FAM131B: variants seen among roughly 807,000 people sequenced by gnomAD.
The protein encoded by FAM131B is family with sequence similarity 131 member B, also known as protein FAM131B.
Under a neutral mutation model 42.0 loss-of-function variants are expected in FAM131B, and 19 were observed. The ratio of observed to expected loss-of-function variants is 0.45; its 90% CI spans 0.32 to 0.66. The LOEUF is 0.66. FAM131B is among the 30% of genes least tolerant of loss of function. The probability of loss-of-function intolerance (pLI) is 0.05; values close to 1 mark genes in which losing one functional copy is unlikely to be tolerated. For synonymous variants in FAM131B, 183 were observed against 177.6 expected (o/e 1.03, Z -0.24); for missense variants, 370 against 468.4 (o/e 0.79, Z 1.94).
chr7:143,370,352 G>T, the FAM131B span, among the ~76,000 whole-genome samples: 1 of 152,138 alleles, frequency 6.6e-6, no homozygotes, highest in Middle Eastern at 3.2e-3. Context: ...CTCACACGGG[G>T]GGCTCCCCTG....
Position 143,359,500 on chromosome 7 carries a change from C to T in FAM131B, c.175-81G>A, listed in dbSNP as rs1361846902. The T allele has an allele frequency of 8.4e-7, 1 of 1,186,060 alleles. No homozygotes were observed. The highest frequency in any genetic ancestry group is 1.5e-5 in the African/African-American group (1 of 67,004). 73.5% of individuals were successfully genotyped at this position (1,186,060 alleles called of 1,614,324 possible). A position where few individuals can be genotyped will look rare whatever the true frequency, so the allele number is the denominator to read the frequency against. On this transcript the variant is annotated intron_variant, in intron 3 of 6. Transcript: ENST00000443739. The surrounding 1 kb of genome is among the most constrained non-coding windows in gnomAD (Gnocchi z 5.4). ...TATACATGGAGGAGGTTCATGGTTT[C>T]CAGGAAAAAGCATTCGAGCTAGGGC...
At chr7:143,381,924 C>A in the FAM131B span, 1 of 836,338 alleles carries the variant, frequency 1.2e-6, no homozygotes, top group Non-Finnish European at 1.8e-6. Flanking sequence ...CTTACCTCAT[C>A]GTGGAGCTCG....
At chr7:143,379,068 T>C in the FAM131B span, among the ~76,000 whole-genome samples, 1 of 152,258 alleles carries the variant, frequency 6.6e-6, no homozygotes, top group Non-Finnish European at 1.5e-5. Context: ...TACGCACTCT[T>C]CTATTTCTGA....
the FAM131B span, among the ~76,000 whole-genome samples, chr7:143,377,178 G>C: frequency 1.1e-3 from 171 of 152,174 alleles, no homozygotes; most frequent in African/African-American, 4.0e-3. Context: ...GCCTAGTCTT[G>C]AACTCCCGGC....
chr7:143,375,905 G>A, the FAM131B span, among the ~76,000 whole-genome samples: 1 of 152,174 alleles, frequency 6.6e-6, no homozygotes, highest in East Asian at 1.9e-4. Context: ...TTGGTGCCTT[G>A]GGTCTCTTTT....
chr7:143,365,672 C>T (rs1047053443), upstream of FAM131B, among the ~76,000 whole-genome samples: 3 of 152,142 alleles, frequency 2.0e-5, no homozygotes, highest in African/African-American at 7.2e-5. Context: ...ATGATCAAAG[C>T]TCACTGCAGC....
the FAM131B span, among the ~76,000 whole-genome samples, chr7:143,376,579 C>T: frequency 1.3e-5 from 2 of 152,194 alleles, no homozygotes; most frequent in Non-Finnish European, 2.9e-5. Context: ...GCTGCTCAAC[C>T]TTGGCCTTGA....
At position 143,362,540 on chromosome 7, in the gene FAM131B, G is replaced by A; in HGVS notation, c.28+36C>T. ...GAGGGGGTCGGAGGGCGGCCCGGGG[G>A]GCCCAGCCCTGCCCCCGCCCGGCCG... On this transcript the variant is annotated intron_variant, in intron 1 of 6. Coordinates refer to ENST00000443739, the MANE Select transcript of FAM131B (RefSeq NM_001031690.3). This position sits in a 1 kb window ranked among gnomAD's most constrained non-coding sequence, Gnocchi z 7.7. 1 of 1,161,322 alleles carries A rather than the reference G, an allele frequency of 8.6e-7. No individual in the cohort carries two copies. 71.9% of individuals were successfully genotyped at this position (1,161,322 alleles called of 1,614,324 possible). A position where few individuals can be genotyped will look rare whatever the true frequency, so the allele number is the denominator to read the frequency against.
rs1443023584 is a variant in FAM131B, at chr7:143,359,522, G to A, written c.175-103C>T. ...TTTCCAGGAAAAAGCATTCGAGCTA[G>A]GGCAGATGATAAGAAAAGCTACTAT... On this transcript the variant is annotated intron_variant, in intron 3 of 6. Coordinates refer to ENST00000443739, the MANE Select transcript of FAM131B (RefSeq NM_001031690.3). This position sits in a 1 kb window ranked among gnomAD's most constrained non-coding sequence, Gnocchi z 5.4. The A allele has an allele frequency of 9.8e-7, 1 of 1,019,830 alleles. No homozygotes were observed. 63.2% of individuals were successfully genotyped at this position (1,019,830 alleles called of 1,614,324 possible). A position where few individuals can be genotyped will look rare whatever the true frequency, so the allele number is the denominator to read the frequency against.
At chr7:143,371,090 A>C in the FAM131B span, among the ~76,000 whole-genome samples, 3 of 151,908 alleles carry the variant, frequency 2.0e-5, no homozygotes, top group South Asian at 2.1e-4. Context: ...TCCATTATTC[A>C]TTCATTCATT....
chr7:143,356,686 G>A lies in FAM131B; in HGVS notation c.947C>T (p.Ala316Val), dbSNP rs759366087. 56 of 1,613,968 alleles carry A rather than the reference G, an allele frequency of 3.5e-5. No homozygotes were observed. Among genetic ancestry groups the A allele is most frequent in the Middle Eastern group, 1.6e-4 (1 of 6,084 alleles). The change falls in exon 7 of 7, where the codon GCG (alanine) becomes GTG (valine). Residue 316 changes from alanine (A) to valine (V), a missense_variant. Physicochemically the swap from Ala to Val is moderately conservative, Grantham distance 64. Transcript: ENST00000443739. The surrounding 1 kb of genome is among the most constrained non-coding windows in gnomAD (Gnocchi z 4.4). ...AAGTGACTCCAGGTCCCGGCATCCC[G>A]CATCCTCTTCCTCCTCAGGTGCCAA... is the stretch of plus-strand genomic sequence containing the variant. ...RPLAPEEEED[A>V]GCRDLESLSP...
the FAM131B span, among the ~76,000 whole-genome samples, chr7:143,371,613 C>CAAAAAAAAAAAAA: frequency 6.7e-5 from 5 of 75,022 alleles, no homozygotes; most frequent in African/African-American, 2.5e-4. Context: ...GACCCTGTCT[C>CAAAAAAAAAAAAA]AAAAAAAAAA....
the FAM131B span, among the ~76,000 whole-genome samples, chr7:143,379,406 C>T: frequency 6.6e-6 from 1 of 152,226 alleles, no homozygotes; most frequent in African/African-American, 2.4e-5. Context: ...CATGGCCACA[C>T]ATGCCTGTGG....
At chr7:143,381,956 G>A in the FAM131B span, 6 of 696,552 alleles carry the variant, frequency 8.6e-6, no homozygotes, top group Non-Finnish European at 1.4e-5. Flanking sequence ...CAGGGCTCCT[G>A]GGACCGTTCC....
At chr7:143,357,947 G>A (rs1372127964) in intron 5 of FAM131B, among the ~76,000 whole-genome samples, 5 of 152,162 alleles carry the variant, frequency 3.3e-5, no homozygotes, top group Non-Finnish European at 5.9e-5. Context: ...ATTCAAATTC[G>A]AGATTTCCAG....
chr7:143,366,967 A>G (rs1804194344), upstream of FAM131B, among the ~76,000 whole-genome samples: 1 of 152,206 alleles, frequency 6.6e-6, no homozygotes. Context: ...CCCCATTCAT[A>G]CACAGGGGCA....
In FAM131B at chr7:143,356,310, C is replaced by T. The variant is rs1012372558; in HGVS notation, c.*240G>A. 5.8e-5 allele frequency: 31 copies of T among 532,402 alleles called. No homozygotes were observed. Among genetic ancestry groups the T allele is most frequent in the Non-Finnish European group, 9.8e-5 (29 of 297,336 alleles). 33.0% of individuals were successfully genotyped at this position (532,402 alleles called of 1,614,324 possible). ...CCACAGCCCAGGTCCTTCTCCACAG[C>T]CACACCAAGCTCACGGCCATCTAGT... On this transcript the variant is annotated 3_prime_UTR_variant, in exon 7 of 7. Transcript: ENST00000443739. This position sits in a 1 kb window ranked among gnomAD's most constrained non-coding sequence, Gnocchi z 4.4.
chr7:143,374,947 T>C, the FAM131B span, among the ~76,000 whole-genome samples: 1 of 152,158 alleles, frequency 6.6e-6, no homozygotes, highest in Non-Finnish European at 1.5e-5. Flanking sequence ...ACAGTTGCAG[T>C]TTTGCATTTG....
rs148056886 is a variant in FAM131B, at chr7:143,358,890, G to A, written c.403C>T (p.Arg135Cys). 4.0e-5 allele frequency: 64 copies of A among 1,613,962 alleles called. No homozygotes were observed. The highest frequency in any genetic ancestry group is 1.0e-4 in the Admixed American group (6 of 60,000). ...VQPQHSHESVRRDTDAYSDLS... is the reference protein window; with the variant it reads ...VQPQHSHESVCRDTDAYSDLS... ...TCGGAGTAGGCATCCGTATCCCTGC[G>A]CACGGACTCATGGCTGTGTTGTGGC... Residue 135 changes from arginine to cysteine, a missense_variant, in exon 5 of 7, where the codon CGC becomes TGC. Arg to Cys is a radical substitution (Grantham distance 180, BLOSUM62 -3). Coordinates refer to ENST00000443739, the MANE Select transcript of FAM131B (RefSeq NM_001031690.3). This position sits in a 1 kb window ranked among gnomAD's most constrained non-coding sequence, Gnocchi z 4.7.
Sources: allele counts gnomAD v4.1 joint callset (sites outside exome capture counted in the v4.1 genomes callset), GRCh38; gene constraint gnomAD v4.1.1; non-coding constraint Gnocchi (gnomAD v3.1); transcripts MANE v1.5; gene names NCBI Gene and HGNC (gene_info 2026-07-23, HGNC 2026-07-21).